DGKI: variants seen among roughly 807,000 people sequenced by gnomAD.
DGKI encodes DAG kinase iota.
Under a neutral mutation model 147.5 loss-of-function variants are expected in DGKI, and 55 were observed. The ratio of observed to expected loss-of-function variants is 0.37; its 90% confidence interval spans 0.30 to 0.47. The LOEUF is 0.47. DGKI is among the 20% of genes least tolerant of loss of function. DGKI has a pLI of 1.00. For missense variants in DGKI, 1,007 were observed against 1,323.8 expected (o/e 0.76, Z 3.71); for synonymous variants, 469 against 477.1 (o/e 0.98, Z 0.22).
At chr7:137,706,509 TATTTC>T (rs972038758) in intron 1 of DGKI, among the ~76,000 whole-genome samples, 5 of 124,868 alleles carry the variant, frequency 4.0e-5, no homozygotes, top group African/African-American at 5.4e-5. Context: ...TATTTTATTT[TATTTC>T]ATTTTATTTT....
chr7:137,843,064 C>G (rs1011769813), intron 1 of DGKI, among the ~76,000 whole-genome samples: 1 of 152,158 alleles, frequency 6.6e-6, no homozygotes, highest in Non-Finnish European at 1.5e-5. Context: ...CTCTATGCCT[C>G]AAGTTCATTT....
intron 1 of DGKI, among the ~76,000 whole-genome samples, chr7:137,815,081 T>A (rs917165508): frequency 6.6e-6 from 1 of 152,050 alleles, no homozygotes; most frequent in Non-Finnish European, 1.5e-5. Flanking sequence ...AAAAACTAAA[T>A]AATATTGACC....
At chr7:137,557,127 C>T (rs1818251468) in intron 19 of DGKI, among the ~76,000 whole-genome samples, 1 of 152,176 alleles carries the variant, frequency 6.6e-6, no homozygotes. Context: ...TGCCAGCCTC[C>T]AATTCACAAT....
At chr7:137,823,438 TC>T (rs1213244148) in intron 1 of DGKI, among the ~76,000 whole-genome samples, 2 of 152,148 alleles carry the variant, frequency 1.3e-5, no homozygotes, top group Non-Finnish European at 2.9e-5. Context: ...AATATCTGAC[TC>T]CCATGTACCC....
intron 16 of DGKI, 24 bp from the exon 17 acceptor site, chr7:137,577,308 G>A: frequency 1.3e-6 from 2 of 1,531,298 alleles, no homozygotes; most frequent in Non-Finnish European, 1.8e-6. Flanking sequence ...AAATAAAGAA[G>A]AAGAAATTCG....
At chr7:137,749,137 C>T (rs1200286065) in intron 1 of DGKI, among the ~76,000 whole-genome samples, 2 of 152,142 alleles carry the variant, frequency 1.3e-5, no homozygotes, top group Admixed American at 6.5e-5. Context: ...AAGCTCTGAC[C>T]ATTTTATTTC....
intron 6 of DGKI, among the ~76,000 whole-genome samples, chr7:137,631,290 C>T (rs1342988470): frequency 6.6e-6 from 1 of 152,166 alleles, no homozygotes; most frequent in Non-Finnish European, 1.5e-5. Context: ...TCAGATTGTG[C>T]CCCTCCTTGC....
intron 20 of DGKI, among the ~76,000 whole-genome samples, chr7:137,542,264 C>A (rs945998899): frequency 6.6e-6 from 1 of 152,142 alleles, no homozygotes; most frequent in Non-Finnish European, 1.5e-5. Flanking sequence ...CCCATTCCTA[C>A]ATGTTTAACC....
intron 7 of DGKI, 35 bp from the exon 8 acceptor site, chr7:137,619,975 T>A (rs1484589459): frequency 3.3e-6 from 5 of 1,495,012 alleles, no homozygotes. Flanking sequence ...ACAATTCTGG[T>A]CAAAGAGTAA....
intron 2 of DGKI, among the ~76,000 whole-genome samples, chr7:137,681,284 A>G (rs1457692691): frequency 6.6e-6 from 1 of 152,232 alleles, no homozygotes; most frequent in Non-Finnish European, 1.5e-5. Context: ...AAGGAAGTCA[A>G]TGGGAAAATA....
intron 1 of DGKI, among the ~76,000 whole-genome samples, chr7:137,761,986 T>G (rs550034981): frequency 1.3e-5 from 2 of 152,348 alleles, no homozygotes; most frequent in African/African-American, 4.8e-5. Context: ...GTCCAGGTAG[T>G]AATTAAACCC....
chr7:137,616,054 C>A (rs1362694987), intron 8 of DGKI, among the ~76,000 whole-genome samples: 1 of 152,048 alleles, frequency 6.6e-6, no homozygotes, highest in South Asian at 2.1e-4. Flanking sequence ...GAAAAGACTA[C>A]TAAAATTTTT....
intron 1 of DGKI, among the ~76,000 whole-genome samples, chr7:137,811,756 G>A (rs1797591315): frequency 6.6e-6 from 1 of 152,214 alleles, no homozygotes; most frequent in Non-Finnish European, 1.5e-5. Flanking sequence ...CCTAATCTCA[G>A]AATGAATTGC....
chr7:137,426,580 C>T (rs1382035606), intron 28 of DGKI, among the ~76,000 whole-genome samples: 3 of 152,140 alleles, frequency 2.0e-5, no homozygotes, highest in Non-Finnish European at 4.4e-5. Context: ...GGACTAAATG[C>T]TCCAATTAAA....
chr7:137,542,007 G>T (rs1387521788), intron 20 of DGKI, among the ~76,000 whole-genome samples: 1 of 152,116 alleles, frequency 6.6e-6, no homozygotes, highest in East Asian at 1.9e-4. Flanking sequence ...CAAAGGCCTT[G>T]GGTGCAGAAT....
At chr7:137,522,544 C>A (rs1175879363) in intron 20 of DGKI, among the ~76,000 whole-genome samples, 1 of 151,998 alleles carries the variant, frequency 6.6e-6, no homozygotes, top group African/African-American at 2.4e-5. Context: ...TCTGAGCATT[C>A]CAAAATGAAG....
rs539854683 is a variant in DGKI at position 137,758,681 on chromosome 7, G to A, written c.402-68679C>T. ...AGTCTAAGTGACAGAGCAAGACTCCGTCTCAAAAATAATAATAAATAAATA... is the reference window on the plus strand; with the variant it reads ...AGTCTAAGTGACAGAGCAAGACTCCATCTCAAAAATAATAATAAATAAATA... On this transcript the variant is annotated intron_variant, in intron 1 of 32. Transcript: ENST00000614521. Among the ~76,000 whole-genome samples, 37 of 151,668 alleles carry A rather than the reference G, an allele frequency of 2.4e-4. No individual in the cohort carries two copies. In the East Asian group the frequency reaches 5.9e-3, roughly 24 times the overall value.
chr7:137,734,788 T>C (rs1372035468), intron 1 of DGKI, among the ~76,000 whole-genome samples: 1 of 152,088 alleles, frequency 6.6e-6, no homozygotes, highest in Non-Finnish European at 1.5e-5. Flanking sequence ...CAACAGAGAA[T>C]GAATTCACAA....
intron 1 of DGKI, chr7:137,843,429 T>C: frequency 1.0e-6 from 1 of 985,246 alleles, no homozygotes; most frequent in Non-Finnish European, 1.2e-6. Flanking sequence ...AGCTTTACAG[T>C]CGACAGAGAC....
Sources: gnomAD v4.1 joint callset for allele counts (sites outside exome capture counted in the v4.1 genomes callset) on GRCh38, gnomAD v4.1.1 for gene constraint, MANE v1.5 for transcripts, NCBI Gene and HGNC (gene_info 2026-07-23, HGNC 2026-07-21) for gene names.